TECRL: variants seen among roughly 807,000 people sequenced by gnomAD.
TECRL encodes the protein trans-2,3-enoyl-CoA reductase like, also known as trans-2,3-enoyl-CoA reductase-like.
Under a neutral mutation model 52.8 loss-of-function variants are expected in TECRL, and 63 were observed. The ratio of observed to expected loss-of-function variants is 1.19; its 90% CI spans 0.97 to 1.47. The LOEUF (loss-of-function observed/expected upper bound fraction) is 1.47, where lower values mean the gene tolerates loss of function less well. TECRL is among the 40% of genes most tolerant of loss of function. The pLI, the probability that TECRL is intolerant of heterozygous loss-of-function variation, is 0.00. For synonymous variants in TECRL, 164 were observed against 141.9 expected, an observed-to-expected ratio of 1.16 and a Z score of -1.10; for missense variants, 482 against 429.6, an observed-to-expected ratio of 1.12 and a Z score of -1.08.
intron 8 of TECRL, among the ~76,000 whole-genome samples, chr4:64,293,096 C>T (rs1366894303): frequency 2.0e-5 from 3 of 151,938 alleles, no homozygotes; most frequent in East Asian, 1.9e-4. Context: ...AGAATGTTAA[C>T]GAACGAATAA....
intron 2 of TECRL, among the ~76,000 whole-genome samples, chr4:64,336,646 G>C (rs1719109654): frequency 6.6e-6 from 1 of 152,108 alleles, no homozygotes; most frequent in Admixed American, 6.6e-5. Flanking sequence ...TGGGCATTTA[G>C]TGCTATAAAT....
intron 8 of TECRL, among the ~76,000 whole-genome samples, chr4:64,293,211 G>A (rs888357488): frequency 6.6e-6 from 1 of 152,012 alleles, no homozygotes; most frequent in Non-Finnish European, 1.5e-5. Flanking sequence ...ATAATCTTTT[G>A]CTTAAATAAA....
At chr4:64,313,243 T>TA (rs1489281865) in intron 5 of TECRL, among the ~76,000 whole-genome samples, 1 of 151,974 alleles carries the variant, frequency 6.6e-6, no homozygotes, top group Admixed American at 6.6e-5. Context: ...CCTAAATACT[T>TA]ACAATTTGCT....
At chr4:64,333,200 C>A (rs1335960949) in intron 2 of TECRL, among the ~76,000 whole-genome samples, 1 of 151,732 alleles carries the variant, frequency 6.6e-6, no homozygotes, top group Non-Finnish European at 1.5e-5. Flanking sequence ...CAAAAAATGT[C>A]ATAAATATTA....
chr4:64,285,277 A>C (rs1723024803), intron 9 of TECRL, among the ~76,000 whole-genome samples: 1 of 152,112 alleles, frequency 6.6e-6, no homozygotes, highest in Non-Finnish European at 1.5e-5. Flanking sequence ...ACACCTCTAC[A>C]GGGTTATCCT....
intron 1 of TECRL, among the ~76,000 whole-genome samples, chr4:64,398,521 C>T (rs960932837): frequency 1.3e-5 from 2 of 152,158 alleles, no homozygotes; most frequent in African/African-American, 4.8e-5. Flanking sequence ...CACCTGCTCC[C>T]TCTTCACCTT....
intron 8 of TECRL, among the ~76,000 whole-genome samples, chr4:64,297,025 G>T (rs759086724): frequency 3.3e-5 from 5 of 151,364 alleles, no homozygotes; most frequent in Non-Finnish European, 5.9e-5. Flanking sequence ...TATTTCTTTG[G>T]ATATAATAGA....
Position 64,301,732 on chromosome 4 carries a change from T to C in TECRL, c.731-1715A>G, listed in dbSNP as rs943200755. On this transcript the variant is annotated intron_variant, in intron 7 of 11. Coordinates refer to ENST00000381210, the MANE Select transcript of TECRL (RefSeq NM_001010874.5). ...ATTTATAAAAATGAATGCACATTAG[T>C]ATAGAGAAGAGAGGGTTCAAAGCAC... is the stretch of plus-strand genomic sequence containing the variant. Among the ~76,000 whole-genome samples the C allele has an allele frequency of 6.6e-5, 10 of 151,184 alleles. No homozygotes were observed. In the South Asian group the frequency reaches 2.1e-3, roughly 31 times the overall value.
intron 7 of TECRL, among the ~76,000 whole-genome samples, chr4:64,302,252 G>C (rs921838872): frequency 6.6e-6 from 1 of 151,402 alleles, no homozygotes; most frequent in Non-Finnish European, 1.5e-5. Context: ...TAGCTTTTGT[G>C]TATTAATATA....
At chr4:64,277,310 CAG>C (rs1247136328), downstream of TECRL, among the ~76,000 whole-genome samples, 1 of 151,804 alleles carries the variant, frequency 6.6e-6, no homozygotes, top group Non-Finnish European at 1.5e-5. Context: ...GTTACAAAAA[CAG>C]AAACTATTCT....
intron 2 of TECRL, among the ~76,000 whole-genome samples, chr4:64,348,372 C>T (rs2109561131): frequency 6.6e-6 from 1 of 152,246 alleles, no homozygotes; most frequent in East Asian, 1.9e-4. Context: ...CCCCAGGATC[C>T]TATCACCTCC....
At chr4:64,391,937 G>A (rs990535951) in intron 1 of TECRL, among the ~76,000 whole-genome samples, 5 of 151,836 alleles carry the variant, frequency 3.3e-5, no homozygotes, top group African/African-American at 1.2e-4. Flanking sequence ...CAAGAAAGCT[G>A]TCTTTAATTC....
chr4:64,286,544 A>T (rs2109937419), intron 9 of TECRL, among the ~76,000 whole-genome samples: 1 of 152,144 alleles, frequency 6.6e-6, no homozygotes, highest in Admixed American at 6.6e-5. Context: ...TAAAAAAAAA[A>T]AACATGGATT....
chr4:64,277,539 G>A (rs543597656), downstream of TECRL, among the ~76,000 whole-genome samples: 1 of 151,684 alleles, frequency 6.6e-6, no homozygotes, highest in African/African-American at 2.4e-5. Context: ...GCTTTTAAAG[G>A]GGCTTTTTGT....
chr4:64,348,747 T>A (rs1484188900), intron 2 of TECRL, among the ~76,000 whole-genome samples: 1 of 152,168 alleles, frequency 6.6e-6, no homozygotes, highest in East Asian at 1.9e-4. Flanking sequence ...TCTTTGGGGT[T>A]TTTAAAAAAT....
intron 8 of TECRL, among the ~76,000 whole-genome samples, chr4:64,292,150 T>A (rs554408020): frequency 6.6e-6 from 1 of 152,098 alleles, no homozygotes; most frequent in Non-Finnish European, 1.5e-5. Context: ...CTCAATGCAT[T>A]GTTCTATTAC....
At chr4:64,277,151 C>A, downstream of TECRL, 12 of 791,812 alleles carry the variant, frequency 1.5e-5, no homozygotes, top group Middle Eastern at 3.5e-4. Context: ...ATAACTGATA[C>A]AAAAAAAGTA....
intron 8 of TECRL, among the ~76,000 whole-genome samples, chr4:64,293,377 T>G (rs931037049): frequency 1.1e-4 from 17 of 152,120 alleles, no homozygotes; most frequent in Non-Finnish European, 2.5e-4. Context: ...TACAAAGGAC[T>G]TTTGTTAATG....
At chr4:64,341,438 A>G (rs1560513116) in intron 2 of TECRL, among the ~76,000 whole-genome samples, 1 of 152,038 alleles carries the variant, frequency 6.6e-6, no homozygotes, top group Non-Finnish European at 1.5e-5. Context: ...CATCTCTACT[A>G]AAAATACAAA....
Sources: allele counts gnomAD v4.1 joint callset (sites outside exome capture counted in the v4.1 genomes callset), GRCh38; gene constraint gnomAD v4.1.1; transcripts MANE v1.5; gene names NCBI Gene and HGNC (gene_info 2026-07-23, HGNC 2026-07-21).